The following STARD8 variants were observed in gnomAD, a reference collection of about 807,000 sequenced individuals.
STARD8 encodes the protein StAR related lipid transfer domain containing 8.
STARD8 carries 25 observed loss-of-function variants against 69.4 expected under a neutral mutation model. That is an observed-to-expected ratio of 0.36 (90% CI 0.26 to 0.50). The LOEUF (loss-of-function observed/expected upper bound fraction) is 0.50. Ranked by LOEUF, STARD8 falls within the 20% of genes least tolerant of loss-of-function variation. The pLI, the probability that STARD8 is intolerant of heterozygous loss-of-function variation, is 0.96. For missense variants in STARD8, 921 were observed against 932.5 expected, an observed-to-expected ratio of 0.99 and a Z score of 0.16; for synonymous variants, 389 against 374.6, an observed-to-expected ratio of 1.04 and a Z score of -0.45.
intron 2 of STARD8, among the ~76,000 whole-genome samples, chrX:68,700,956 T>C (rs1444564042): frequency 8.9e-6 from 1 of 111,833 alleles, no homozygotes; most frequent in African/African-American, 3.3e-5. Flanking sequence ...TTATTGCCAT[T>C]ATTGTTGCTT....
chrX:68,703,436 C>G (rs1026474335), intron 2 of STARD8, among the ~76,000 whole-genome samples: 2 of 112,663 alleles, frequency 1.8e-5, no homozygotes, highest in African/African-American at 6.4e-5. Context: ...TGAGCATGCA[C>G]GTCATCACCC....
rs909702658 is a variant in STARD8, at chrX:68,653,351, C to A, written c.45+5424C>A. Among the ~76,000 whole-genome samples the A allele has an allele frequency of 1.6e-3, 48 of 29,657 alleles. 1 individual carries two copies. The highest frequency in any genetic ancestry group is 4.5e-3 in the South Asian group (2 of 447). The allele number at this position is 29,657 out of a possible 115,157, so 25.8% of individuals were successfully genotyped here. A position where few individuals can be genotyped will look rare whatever the true frequency, so the allele number is the denominator to read the frequency against. On this transcript the variant is annotated intron_variant, in intron 1 of 14. Coordinates refer to ENST00000374599, the MANE Select transcript of STARD8 (RefSeq NM_001142503.3). ...ACACACCCCACACACCACACACACC[C>A]CACACACACCCCCAAACGCACACCA...
intron 1 of STARD8, among the ~76,000 whole-genome samples, chrX:68,658,854 A>G (rs886615934): frequency 1.8e-5 from 2 of 112,313 alleles, no homozygotes; most frequent in African/African-American, 3.2e-5. Context: ...GGGCCCTTAG[A>G]GTCCAGGTCA....
intron 2 of STARD8, among the ~76,000 whole-genome samples, chrX:68,710,655 A>G (rs2080042483): frequency 8.9e-6 from 1 of 112,180 alleles, no homozygotes; most frequent in African/African-American, 3.2e-5. Flanking sequence ...TACCCTCTCC[A>G]TTAGCCATGA....
chrX:68,721,793 T>A lies in STARD8; in HGVS notation c.2459+47T>A, dbSNP rs761048688. The A allele has an allele frequency of 6.1e-6, 7 of 1,145,201 alleles. No individual in the cohort carries two copies. In the East Asian group the frequency reaches 2.1e-4, roughly 34 times the overall value. 94.4% of individuals were successfully genotyped at this position (1,145,201 alleles called of 1,213,427 possible). A position where few individuals can be genotyped will look rare whatever the true frequency, so the allele number is the denominator to read the frequency against. On this transcript the variant is annotated intron_variant, in intron 10 of 14. Coordinates refer to ENST00000374599, the MANE Select transcript of STARD8 (RefSeq NM_001142503.3). Reference sequence around the variant, plus strand: ...CAGGGCCGGGCTGGGTCCAGACAATTTGGGCCCCACTGGACTTTTGGCTTT... The same window carrying A: ...CAGGGCCGGGCTGGGTCCAGACAATATGGGCCCCACTGGACTTTTGGCTTT...
At chrX:68,673,543 A>C (rs1333826740) in intron 2 of STARD8, among the ~76,000 whole-genome samples, 1 of 111,829 alleles carries the variant, frequency 8.9e-6, no homozygotes, top group African/African-American at 3.3e-5. Context: ...CTTTTACCAA[A>C]AACAACAACA....
chrX:68,719,929 C>T, intron 7 of STARD8, among the ~76,000 whole-genome samples: 1 of 112,492 alleles, frequency 8.9e-6, no homozygotes, highest in Non-Finnish European at 1.9e-5. Flanking sequence ...CCCTCAAGAG[C>T]CTGCTGAGTT....
chrX:68,670,837 C>T (rs909105171), intron 2 of STARD8, among the ~76,000 whole-genome samples: 1 of 111,662 alleles, frequency 9.0e-6, no homozygotes, highest in Admixed American at 9.5e-5. Flanking sequence ...GAGTCACGGG[C>T]GTTACCTGGA....
intron 2 of STARD8, among the ~76,000 whole-genome samples, chrX:68,696,171 G>A (rs1379027995): frequency 8.9e-6 from 1 of 112,616 alleles, no homozygotes; most frequent in Non-Finnish European, 1.9e-5. Context: ...AGATAAAATA[G>A]GGACAGCAGA....
At chrX:68,653,402 A>C (rs1176532762) in intron 1 of STARD8, among the ~76,000 whole-genome samples, 13 of 36,145 alleles carry the variant, frequency 3.6e-4, no homozygotes, top group Admixed American at 6.9e-4. Flanking sequence ...CCCCACACAC[A>C]CCACACACAC....
intron 2 of STARD8, among the ~76,000 whole-genome samples, chrX:68,699,990 G>A (rs140243059): frequency 2.0e-3 from 222 of 111,356 alleles, no homozygotes; most frequent in African/African-American, 6.8e-3. Flanking sequence ...TAAATACAAT[G>A]TAATATGTGG....
chrX:68,717,547 G>C lies in STARD8; in HGVS notation c.633G>C (p.Lys211Asn), dbSNP rs1232121160. 8.3e-7 allele frequency: 1 copy of C among 1,211,364 alleles called. No homozygotes were observed. The highest frequency in any genetic ancestry group is 1.8e-5 in the South Asian group (1 of 56,971). Reference protein sequence around the residue: ...KKRHRNRSFLKHLESLRRKEK... With the variant: ...KKRHRNRSFLNHLESLRRKEK... ...GCCATCGTAACCGTAGCTTCCTCAAGCACCTTGAATCTCTGAGGCGGAAGG... is the reference window on the plus strand; with the variant it reads ...GCCATCGTAACCGTAGCTTCCTCAACCACCTTGAATCTCTGAGGCGGAAGG... Residue 211 changes from lysine to asparagine, a missense_variant, in exon 6 of 15, where the codon AAG (lysine) becomes AAC (asparagine). Transcript: ENST00000374599.
chrX:68,711,160 G>A (rs990116825), intron 2 of STARD8, among the ~76,000 whole-genome samples: 2 of 110,926 alleles, frequency 1.8e-5, no homozygotes, highest in South Asian at 7.7e-4. Context: ...AGGTCCTGGC[G>A]ATTCCTAGAT....
intron 2 of STARD8, among the ~76,000 whole-genome samples, chrX:68,697,561 C>T (rs745588838): frequency 8.9e-6 from 1 of 112,767 alleles, no homozygotes; most frequent in African/African-American, 3.2e-5. Context: ...CTGCTCTCCA[C>T]CTAGGCCCCT....
intron 2 of STARD8, among the ~76,000 whole-genome samples, chrX:68,674,078 G>A (rs2147887801): frequency 9.0e-6 from 1 of 111,328 alleles, no homozygotes; most frequent in Admixed American, 9.5e-5. Context: ...TGGATCACCT[G>A]AAGTCAGGAG....
At chrX:68,668,057 TTTTCTTTCTTTCTTTCTTTCTTTCTTTC>T (rs1200805148) in intron 2 of STARD8, among the ~76,000 whole-genome samples, 3 of 71,566 alleles carry the variant, frequency 4.2e-5, no homozygotes, top group Admixed American at 1.7e-4. Context: ...TCTCTCTTTC[TTTTCTTTCTTTCTTTCTTTCTTTCTTTC>T]TTTCTTTCTT....
chrX:68,698,513 G>GT (rs2079940309), intron 2 of STARD8, among the ~76,000 whole-genome samples: 1 of 111,131 alleles, frequency 9.0e-6, no homozygotes, highest in Non-Finnish European at 1.9e-5. Flanking sequence ...GAGGACCTCT[G>GT]TAAGTGGAGG....
intron 2 of STARD8, among the ~76,000 whole-genome samples, chrX:68,668,312 T>TTTCCTTCC (rs60590974): frequency 4.1e-5 from 4 of 96,935 alleles, no homozygotes; most frequent in Admixed American, 1.1e-4. Flanking sequence ...TCTTTTTTTC[T>TTTCCTTCC]TTCCTTCCTT....
intron 10 of STARD8, 52 bp from the exon 11 acceptor site, chrX:68,721,995 T>TGTCTTGTGCTCTTGTGCCATCTC: frequency 9.2e-7 from 1 of 1,086,647 alleles, no homozygotes; most frequent in Non-Finnish European, 1.2e-6. Flanking sequence ...TCTGCCATCT[T>TGTCTTGTGCTCTTGTGCCATCTC]GTCTTGTGCT....
Sources: gnomAD v4.1 joint callset for allele counts (sites outside exome capture counted in the v4.1 genomes callset) on GRCh38, gnomAD v4.1.1 for gene constraint, MANE v1.5 for transcripts, NCBI Gene and HGNC (gene_info 2026-07-23, HGNC 2026-07-21) for gene names.